The following SMAD5 variants were observed in gnomAD, a reference collection of about 807,000 sequenced individuals.
SMAD5 encodes the protein SMAD family member 5.
A neutral mutation model predicts 43.1 loss-of-function variants in SMAD5; 9 were observed. The ratio of observed to expected loss-of-function variants is 0.21; its 90% confidence interval spans 0.13 to 0.36. The LOEUF (loss-of-function observed/expected upper bound fraction) is 0.36. Among genes scored for constraint, SMAD5 ranks in the 10% least tolerant of loss-of-function variants. SMAD5 has a pLI of 1.00. For missense variants in SMAD5, 348 were observed against 574.0 expected, an observed-to-expected ratio of 0.61 and a Z score of 4.02; for synonymous variants, 190 against 192.4, an observed-to-expected ratio of 0.99 and a Z score of 0.10.
At position 136,178,485 on chromosome 5, in the gene SMAD5, G is replaced by A. The variant is rs1034342343; in HGVS notation, c.*1005G>A. 2.0e-5 allele frequency: 3 copies of A among 152,236 alleles called. No homozygotes were observed. The highest frequency in any genetic ancestry group is 1.3e-4 in the Admixed American group (2 of 15,266). 9.4% of individuals were successfully genotyped at this position (152,236 alleles called of 1,614,324 possible). On this transcript the variant is annotated 3_prime_UTR_variant, in exon 8 of 8. Transcript: ENST00000545279. ...TTGTAGGAAGTTATGCTTTTTTCTGGTTTTTGTTTTACTTTCAACCTAGGT... is the reference window on the plus strand; with the variant it reads ...TTGTAGGAAGTTATGCTTTTTTCTGATTTTTGTTTTACTTTCAACCTAGGT...
intron 5 of SMAD5, among the ~76,000 whole-genome samples, chr5:136,164,632 T>C (rs1472859721): frequency 6.6e-6 from 1 of 152,180 alleles, no homozygotes; most frequent in Non-Finnish European, 1.5e-5. Context: ...TTATCAGATA[T>C]ATGATTTGCA....
chr5:136,136,010 C>T (rs1488192035), intron 1 of SMAD5, among the ~76,000 whole-genome samples: 2 of 152,098 alleles, frequency 1.3e-5, no homozygotes, highest in Non-Finnish European at 2.9e-5. Context: ...ATACTAGTAG[C>T]CTGAGGAATG....
At chr5:136,158,007 T>A (rs1239205643) in intron 3 of SMAD5, among the ~76,000 whole-genome samples, 1 of 152,230 alleles carries the variant, frequency 6.6e-6, no homozygotes, top group African/African-American at 2.4e-5. Context: ...TAGGTTGTTA[T>A]GAGCATTAGA....
chr5:136,143,166 A>T (rs183368424), intron 1 of SMAD5, among the ~76,000 whole-genome samples: 1 of 151,954 alleles, frequency 6.6e-6, no homozygotes, highest in Non-Finnish European at 1.5e-5. Context: ...TTTGGCCATA[A>T]CTAGAGTTAC....
At chr5:136,167,845 C>T (rs1313506716) in intron 5 of SMAD5, among the ~76,000 whole-genome samples, 1 of 151,180 alleles carries the variant, frequency 6.6e-6, no homozygotes, top group Non-Finnish European at 1.5e-5. Flanking sequence ...ATTACTCTTA[C>T]ATTTTCCTTG....
Position 136,172,659 on chromosome 5 carries a change from A to G in SMAD5, c.997+4A>G, listed in dbSNP as rs1754268919. 3.2e-6 allele frequency: 5 copies of G among 1,551,780 alleles called. No homozygotes were observed. Among genetic ancestry groups the G allele is most frequent in the Non-Finnish European group, 4.5e-6 (5 of 1,123,324 alleles). On this transcript the variant is annotated splice_donor_region_variant and intron_variant, in intron 6 of 7. Transcript: ENST00000545279. Reference sequence around the variant, plus strand: ...ACTAGGCGACATATTGGAAAAGGTAATCTTGTCATTTTCCTACATTTAATC... The same window carrying G: ...ACTAGGCGACATATTGGAAAAGGTAGTCTTGTCATTTTCCTACATTTAATC...
intron 5 of SMAD5, among the ~76,000 whole-genome samples, chr5:136,164,847 T>A (rs996502594): frequency 2.0e-5 from 3 of 152,316 alleles, no homozygotes; most frequent in African/African-American, 7.2e-5. Flanking sequence ...TCTATAGTTT[T>A]AGCTCTTATA....
chr5:136,148,608 T>G (rs917673715), intron 2 of SMAD5, among the ~76,000 whole-genome samples: 1 of 151,820 alleles, frequency 6.6e-6, no homozygotes, highest in African/African-American at 2.4e-5. Flanking sequence ...TGTCAATGCT[T>G]ATGCTGCTTG....
rs183399614 is a variant in SMAD5 at position 136,180,109 on chromosome 5, C to A, written c.*2629C>A. ...TCTCCTAAAAGTTGTCAACTCCCCA[C>A]CCTTGGACTTTAAATGAAAATTTTA... On this transcript the variant is annotated 3_prime_UTR_variant, in exon 8 of 8. Coordinates refer to ENST00000545279, the MANE Select transcript of SMAD5 (RefSeq NM_005903.7). The A allele has an allele frequency of 4.6e-5, 7 of 152,218 alleles. No homozygotes were observed. Among genetic ancestry groups the A allele is most frequent in the African/African-American group, 1.7e-4 (7 of 41,536 alleles). The allele number at this position is 152,218 out of a possible 1,614,324, so 9.4% of individuals were successfully genotyped here. A position where few individuals can be genotyped will look rare whatever the true frequency, so the allele number is the denominator to read the frequency against.
At chr5:136,174,741 C>A (rs10515478) in intron 7 of SMAD5, 109 bp downstream of exon 7, 1 of 715,338 alleles carries the variant, frequency 1.4e-6, no homozygotes. Flanking sequence ...TGCTTTTGGC[C>A]TGATTTAACA....
chr5:136,161,727 A>G (rs1286288284), intron 4 of SMAD5, among the ~76,000 whole-genome samples: 2 of 152,204 alleles, frequency 1.3e-5, no homozygotes, highest in African/African-American at 4.8e-5. Context: ...TCATATATGG[A>G]CATGTCAGTA....
chr5:136,138,615 A>G (rs1392222798), intron 1 of SMAD5, among the ~76,000 whole-genome samples: 1 of 152,132 alleles, frequency 6.6e-6, no homozygotes, highest in East Asian at 1.9e-4. Flanking sequence ...ACTTGCTGAC[A>G]CTTGGTGACT....
In SMAD5 at chr5:136,177,564, C is replaced by A; in HGVS notation, c.*84C>A. On this transcript the variant is annotated 3_prime_UTR_variant, in exon 8 of 8. Transcript: ENST00000545279. ...TTTGAGTACAGATACTGTGAGCTTA[C>A]ATTGAAAACAGATATTACAGCTTAT... 1 of 998,842 alleles carries A rather than the reference C, an allele frequency of 1.0e-6. No homozygotes were observed. The highest frequency in any genetic ancestry group is 1.5e-6 in the Non-Finnish European group (1 of 683,088). 61.9% of individuals were successfully genotyped at this position (998,842 alleles called of 1,614,324 possible).
At chr5:136,160,058 T>TGGTC (rs1448310053) in intron 3 of SMAD5, among the ~76,000 whole-genome samples, 1 of 152,248 alleles carries the variant, frequency 6.6e-6, no homozygotes, top group Non-Finnish European at 1.5e-5. Context: ...TGAATGTGAT[T>TGGTC]GGTCACTTGG....
At chr5:136,172,835 T>C in intron 6 of SMAD5, 180 bp downstream of exon 6, 1 of 583,550 alleles carries the variant, frequency 1.7e-6, no homozygotes, top group Non-Finnish European at 3.1e-6. Context: ...CCTCATTTTT[T>C]TGTCCTGCTT....
At chr5:136,160,593 C>A (rs533648655) in intron 3 of SMAD5, among the ~76,000 whole-genome samples, 40 of 151,938 alleles carry the variant, frequency 2.6e-4, no homozygotes, top group Non-Finnish European at 4.6e-4. Context: ...TTTTAATATC[C>A]TTTATCTCAT....
intron 6 of SMAD5, 146 bp downstream of exon 6, chr5:136,172,801 TAATC>T (rs2149780724): frequency 1.6e-6 from 1 of 624,610 alleles, no homozygotes; most frequent in East Asian, 2.7e-5. Context: ...AAGAATGTAT[TAATC>T]AAATAAAGAC....
intron 1 of SMAD5, among the ~76,000 whole-genome samples, chr5:136,138,436 T>C (rs1752958785): frequency 6.6e-6 from 1 of 152,236 alleles, no homozygotes; most frequent in Non-Finnish European, 1.5e-5. Context: ...GTCTTTCTTG[T>C]AGATGTTCTT....
At chr5:136,174,686 CTT>C (rs1754347482) in intron 7 of SMAD5, 54 bp downstream of exon 7, 1 of 1,272,454 alleles carries the variant, frequency 7.9e-7, no homozygotes, top group Non-Finnish European at 1.1e-6. Flanking sequence ...TATATTATGA[CTT>C]TAGGTTATAA....
Sources: allele counts gnomAD v4.1 joint callset (sites outside exome capture counted in the v4.1 genomes callset), GRCh38; gene constraint gnomAD v4.1.1; transcripts MANE v1.5; gene names NCBI Gene and HGNC (gene_info 2026-07-23, HGNC 2026-07-21).